VPS13D: variants seen among roughly 807,000 people sequenced by gnomAD.
VPS13D encodes intermembrane lipid transfer protein VPS13D.
VPS13D carries 187 observed loss-of-function variants against 461.9 expected under a neutral mutation model. The observed-to-expected ratio is 0.40, with a 90% CI of 0.36 to 0.46. The LOEUF is 0.46. Among genes scored for constraint, VPS13D ranks in the 20% least tolerant of loss-of-function variants. VPS13D has a pLI of 0.60. For missense variants in VPS13D, 4,711 were observed against 5,364.9 expected (o/e 0.88, Z 3.81); for synonymous variants, 1,951 against 1,986.3 (o/e 0.98, Z 0.47).
At chr1:12,501,408 T>C (rs1425762966) in intron 68 of VPS13D, among the ~76,000 whole-genome samples, 1 of 152,188 alleles carries the variant, frequency 6.6e-6, no homozygotes, top group Non-Finnish European at 1.5e-5. Context: ...AATTGGCCAT[T>C]TGTTGATACA....
At chr1:12,371,224 T>C (rs1012032398) in intron 54 of VPS13D, among the ~76,000 whole-genome samples, 6 of 152,062 alleles carry the variant, frequency 3.9e-5, no homozygotes, top group Non-Finnish European at 8.8e-5. Flanking sequence ...CCTCCCTGTC[T>C]CCAGCCGCAG....
At chr1:12,395,836 T>C (rs182197950) in intron 60 of VPS13D, among the ~76,000 whole-genome samples, 337 of 151,392 alleles carry the variant, frequency 2.2e-3, no homozygotes, top group Non-Finnish European at 4.4e-3. Context: ...GTAGAGTCCT[T>C]AGCAATTTTT....
chr1:12,259,319 A>AT lies in VPS13D; in HGVS notation c.1110+1230dup, dbSNP rs544878359. 1.7e-3 allele frequency among the ~76,000 whole-genome samples: 232 copies of AT among 137,348 alleles called. 5 individuals carry two copies. The South Asian group carries it at 0.025, about 15-fold the overall frequency. The allele number at this position is 137,348 out of a possible 152,430, so 90.1% of individuals were successfully genotyped here. Reference sequence around the variant, plus strand: ...TCACCACCCCCAGCCTACTCTTTTTATTTTTTTTTTTTTTGAGACAGGATC... The same window carrying AT: ...TCACCACCCCCAGCCTACTCTTTTTATTTTTTTTTTTTTTTGAGACAGGATC... On this transcript the variant is annotated intron_variant, in intron 10 of 69. Transcript: ENST00000620676.
At chr1:12,470,219 T>C (rs1296223269) in intron 67 of VPS13D, among the ~76,000 whole-genome samples, 1 of 152,184 alleles carries the variant, frequency 6.6e-6, no homozygotes, top group Admixed American at 6.5e-5. Flanking sequence ...CACTTCTCGT[T>C]ATGAGGAGTA....
rs114753093 is a variant in VPS13D at position 12,288,323 on chromosome 1, G to T, written c.5725+10G>T. 2,293 of 1,611,408 alleles carry T rather than the reference G, an allele frequency of 1.4e-3. 26 individuals carry two copies. In the African/African-American group the frequency reaches 0.02, roughly 14 times the overall value. ...CACCTGGAAATGATTGGTAAGTGGTGGGGGGTGGAGGGAAGCAAACTTGCA... is the reference window on the plus strand; with the variant it reads ...CACCTGGAAATGATTGGTAAGTGGTTGGGGGTGGAGGGAAGCAAACTTGCA... On this transcript the variant is annotated intron_variant, in intron 22 of 69. Coordinates refer to ENST00000620676, the MANE Select transcript of VPS13D (RefSeq NM_015378.4).
chr1:12,253,988 C>T (rs1640826441), intron 7 of VPS13D, among the ~76,000 whole-genome samples, 162 bp downstream of exon 7: 1 of 152,122 alleles, frequency 6.6e-6, no homozygotes, highest in African/African-American at 2.4e-5. Context: ...GAGGTACTTG[C>T]TATGTATGTG....
chr1:12,362,929 C>A (rs140256528), intron 51 of VPS13D, 79 bp downstream of exon 51: 74 of 1,596,392 alleles, frequency 4.6e-5, no homozygotes, highest in Non-Finnish European at 5.9e-5. Flanking sequence ...GAAGACTGTA[C>A]GTTCTGTGAT....
chr1:12,372,537 C>A (rs1644134653), intron 54 of VPS13D, among the ~76,000 whole-genome samples: 1 of 152,112 alleles, frequency 6.6e-6, no homozygotes, highest in South Asian at 2.1e-4. Flanking sequence ...CAAATACTTT[C>A]CATATTTCAA....
chr1:12,298,594 A>G (rs1642340213), intron 24 of VPS13D, among the ~76,000 whole-genome samples: 1 of 151,792 alleles, frequency 6.6e-6, no homozygotes, highest in Non-Finnish European at 1.5e-5. Flanking sequence ...GTGAGCTGAA[A>G]TTGTGCCACT....
chr1:12,460,941 C>A (rs1019926480), intron 67 of VPS13D, among the ~76,000 whole-genome samples: 1 of 152,144 alleles, frequency 6.6e-6, no homozygotes, highest in Non-Finnish European at 1.5e-5. Flanking sequence ...GTGCCACCCC[C>A]CATCCCCCCA....
intron 54 of VPS13D, among the ~76,000 whole-genome samples, chr1:12,371,625 TC>T: frequency 6.6e-6 from 1 of 152,228 alleles, no homozygotes; most frequent in South Asian, 2.1e-4. Flanking sequence ...ACTCCTGACT[TC>T]AGGCGATCCA....
intron 52 of VPS13D, 139 bp from the exon 53 acceptor site, chr1:12,368,329 G>A (rs903993506): frequency 1.0e-6 from 1 of 983,242 alleles, no homozygotes; most frequent in Non-Finnish European, 1.4e-6. Context: ...GATGATGGAG[G>A]AACACACAGT....
chr1:12,408,622 C>T (rs981640305), intron 63 of VPS13D, among the ~76,000 whole-genome samples: 2 of 152,230 alleles, frequency 1.3e-5, no homozygotes, highest in Admixed American at 6.5e-5. Context: ...ACCTCAGCCT[C>T]CCAAAGTGCT....
intron 60 of VPS13D, 97 bp from the exon 61 acceptor site, chr1:12,400,084 C>G: frequency 7.2e-7 from 1 of 1,384,078 alleles, no homozygotes; most frequent in South Asian, 1.3e-5. Context: ...ACTTTCTGAG[C>G]AACCTGCGCA....
At chr1:12,260,015 C>CTTTTTTTTTTT (rs70987243) in intron 10 of VPS13D, among the ~76,000 whole-genome samples, 1 of 72,772 alleles carries the variant, frequency 1.4e-5, no homozygotes, top group African/African-American at 3.9e-5. Context: ...GCTTTAGTGA[C>CTTTTTTTTTTT]TTTTTTTTTT....
intron 23 of VPS13D, among the ~76,000 whole-genome samples, chr1:12,291,635 C>T (rs1642134830): frequency 1.3e-5 from 2 of 152,126 alleles, no homozygotes; most frequent in Admixed American, 1.3e-4. Flanking sequence ...CACACACACG[C>T]ACACCCACCC....
Position 12,276,265 on chromosome 1 carries a change from G to T in VPS13D, c.2677G>T (p.Ala893Ser), listed in dbSNP as rs763326414. Residue 893 changes from alanine to serine, a missense_variant, in exon 19 of 70, where the codon GCA becomes TCA. Around this residue, in one of 3 missense-constraint regions of VPS13D, gnomAD observed 4,411 missense variants for 4,937.8 expected, o/e 0.89. Transcript: ENST00000620676. The surrounding 1 kb of genome is among the most constrained non-coding windows in gnomAD (Gnocchi z 4.5). ...CCACATTAATGAAGATAAAATATCT[G>T]CACTAAAGAATTGCTTTGCTCTCCT... ...KIHINEDKIS[A>S]LKNCFALLTT... 1 of 1,614,106 alleles carries T rather than the reference G, an allele frequency of 6.2e-7. No individual in the cohort carries two copies. The highest frequency in any genetic ancestry group is 1.7e-5 in the Admixed American group (1 of 60,016).
intron 36 of VPS13D, 133 bp downstream of exon 36, chr1:12,327,987 A>G (rs1013564719): frequency 5.4e-6 from 5 of 923,530 alleles, no homozygotes; most frequent in Non-Finnish European, 7.9e-6. Flanking sequence ...AGTTTTACAT[A>G]TGTTTTTCAT....
chr1:12,316,469 T>G (rs1363155002), intron 30 of VPS13D, among the ~76,000 whole-genome samples: 1 of 152,180 alleles, frequency 6.6e-6, no homozygotes, highest in Non-Finnish European at 1.5e-5. Flanking sequence ...ACTGTGACTT[T>G]CCAGTTAAAT....
Sources: gnomAD v4.1 joint callset for allele counts (sites outside exome capture counted in the v4.1 genomes callset) on GRCh38, gnomAD v4.1.1 for gene constraint, gnomAD v4.1.1 regional missense constraint, Gnocchi (gnomAD v3.1) non-coding constraint, MANE v1.5 for transcripts, NCBI Gene and HGNC (gene_info 2026-07-23, HGNC 2026-07-21) for gene names.